The following IQSEC1 variants were observed in gnomAD, a reference collection of about 807,000 sequenced individuals.
IQSEC1 encodes IQ motif and Sec7 domain ArfGEF 1, also known as IQ motif and SEC7 domain-containing protein 1.
IQSEC1 carries 31 observed loss-of-function variants against 91.0 expected under a neutral mutation model. The ratio of observed to expected loss-of-function variants is 0.34; its 90% CI spans 0.26 to 0.46. IQSEC1 has a LOEUF of 0.46. Ranked by LOEUF, IQSEC1 falls within the 20% of genes least tolerant of loss-of-function variation. IQSEC1 has a pLI of 1.00. For synonymous variants in IQSEC1, 699 were observed against 662.6 expected, an observed-to-expected ratio of 1.05 and a Z score of -0.84; for missense variants, 1,388 against 1,575.6, an observed-to-expected ratio of 0.88 and a Z score of 2.02.
intron 2 of IQSEC1, among the ~76,000 whole-genome samples, chr3:13,134,843 G>T (rs1191182164): frequency 1.3e-5 from 2 of 152,170 alleles, no homozygotes; most frequent in African/African-American, 4.8e-5. Flanking sequence ...AGCTGGCCCA[G>T]TCCAGCCTCA....
At chr3:13,216,230 C>CA (rs1279494853) in intron 1 of IQSEC1, among the ~76,000 whole-genome samples, 1 of 152,274 alleles carries the variant, frequency 6.6e-6, no homozygotes, top group African/African-American at 2.4e-5. Context: ...GTAATAACAG[C>CA]ACCCATGCAG....
chr3:13,209,854 C>T (rs1267118210), intron 1 of IQSEC1, among the ~76,000 whole-genome samples: 1 of 152,180 alleles, frequency 6.6e-6, no homozygotes, highest in Non-Finnish European at 1.5e-5. Context: ...CCGCAGCAGC[C>T]CAACACCCAG....
chr3:13,181,355 G>A (rs1029504932), intron 1 of IQSEC1, among the ~76,000 whole-genome samples: 5 of 152,186 alleles, frequency 3.3e-5, no homozygotes, highest in Non-Finnish European at 5.9e-5. Flanking sequence ...CAAGTATGGC[G>A]ACTTCAATAA....
At position 12,899,099 on chromosome 3, in the gene IQSEC1, G is replaced by A. The variant is rs1250558236; in HGVS notation, c.*1884C>T. On this transcript the variant is annotated 3_prime_UTR_variant, in exon 14 of 14. Coordinates refer to ENST00000613206, the MANE Select transcript of IQSEC1 (RefSeq NM_001134382.3). ...GATTGCTGTATTTGCTCTCTCTGGAGATTAACAAAGTGCTTGGTTTGCAGA... is the reference window on the plus strand; with the variant it reads ...GATTGCTGTATTTGCTCTCTCTGGAAATTAACAAAGTGCTTGGTTTGCAGA... The A allele has an allele frequency of 2.0e-6, 1 of 504,804 alleles. No individual in the cohort carries two copies. The highest frequency in any genetic ancestry group is 3.6e-6 in the Non-Finnish European group (1 of 279,190). The allele number at this position is 504,804 out of a possible 1,614,324, so 31.3% of individuals were successfully genotyped here. A position where few individuals can be genotyped will look rare whatever the true frequency, so the allele number is the denominator to read the frequency against.
intron 6 of IQSEC1, among the ~76,000 whole-genome samples, chr3:12,919,595 C>T (rs1040524577): frequency 2.6e-5 from 4 of 152,242 alleles, no homozygotes. Flanking sequence ...TTGTCAGCTC[C>T]ACACGCTCTT....
At position 12,935,767 on chromosome 3, in the gene IQSEC1, G is replaced by A. The variant is rs753189267; in HGVS notation, c.1249C>T (p.Pro417Ser). ...GPHSGAPKSL[P>S]REEPELRPRP... ...GGCCGCAACTCAGGCTCCTCCCGGG[G>A]GAGGCTCTTGGGGGCGCCGCTGTGG... Residue 417 changes from proline to serine, a missense_variant, in exon 3 of 14, where the codon CCC becomes TCC. Coordinates refer to ENST00000613206, the MANE Select transcript of IQSEC1 (RefSeq NM_001134382.3). This position sits in a 1 kb window ranked among gnomAD's most constrained non-coding sequence, Gnocchi z 8.0. 3.7e-6 allele frequency: 6 copies of A among 1,608,218 alleles called. No individual in the cohort carries two copies. The South Asian group carries it at 4.4e-5, about 12-fold the overall frequency.
At chr3:13,133,768 C>T (rs1706662733) in intron 2 of IQSEC1, among the ~76,000 whole-genome samples, 1 of 152,242 alleles carries the variant, frequency 6.6e-6, no homozygotes, top group Non-Finnish European at 1.5e-5. Flanking sequence ...TGCTGCTTGG[C>T]CCAGCCCAAC....
intron 2 of IQSEC1, among the ~76,000 whole-genome samples, chr3:13,120,781 C>T (rs1706411111): frequency 6.6e-6 from 1 of 152,190 alleles, no homozygotes; most frequent in Admixed American, 6.5e-5. Flanking sequence ...GCCTAGGCAT[C>T]CTTCACCATG....
chr3:13,109,056 C>T (rs1009017902), intron 2 of IQSEC1, among the ~76,000 whole-genome samples: 3 of 152,212 alleles, frequency 2.0e-5, no homozygotes, highest in African/African-American at 7.2e-5. Flanking sequence ...GAGGCAGCTC[C>T]AGTGGCCTCC....
intron 1 of IQSEC1, among the ~76,000 whole-genome samples, chr3:12,966,502 T>C (rs1700577917): frequency 6.6e-6 from 1 of 152,116 alleles, no homozygotes; most frequent in South Asian, 2.1e-4. Context: ...GTGCTGGCCA[T>C]CGCAGAGAGG....
rs1036527366 is a variant in IQSEC1 at position 13,103,047 on chromosome 3, G to A, written c.303-55525C>T. On this transcript the variant is annotated intron_variant, in intron 2 of 15. Coordinates refer to the IQSEC1 transcript ENST00000648114. The surrounding 1 kb of genome is among the most constrained non-coding windows in gnomAD (Gnocchi z 4.1). ...TACCTCAACCTGTGGGCTGGATGTCGGAAGGGACTCTGACTTCTGCGCAGG... is the reference window on the plus strand; with the variant it reads ...TACCTCAACCTGTGGGCTGGATGTCAGAAGGGACTCTGACTTCTGCGCAGG... Among the ~76,000 whole-genome samples, 14 of 152,058 alleles carry A rather than the reference G, an allele frequency of 9.2e-5. No homozygotes were observed. Among genetic ancestry groups the A allele is most frequent in the East Asian group, 3.9e-4 (2 of 5,156 alleles).
chr3:13,236,702 C>G (rs998191628), intron 1 of IQSEC1, among the ~76,000 whole-genome samples: 2 of 152,218 alleles, frequency 1.3e-5, no homozygotes, highest in Non-Finnish European at 2.9e-5. Context: ...GCCAGCTCCA[C>G]CCGGGCCCCT....
chr3:13,058,981 TG>T (rs960387541), intron 1 of IQSEC1, among the ~76,000 whole-genome samples: 1 of 151,800 alleles, frequency 6.6e-6, no homozygotes, highest in Non-Finnish European at 1.5e-5. Context: ...AGGAGGTGGA[TG>T]GGGGGGTAGT....
Position 12,935,771 on chromosome 3 carries a change from G to A in IQSEC1, c.1245C>T (p.Ser415=), listed in dbSNP as rs1698119141. 6 of 1,607,684 alleles carry A rather than the reference G, an allele frequency of 3.7e-6. No homozygotes were observed. The Admixed American group carries it at 8.3e-5, about 22-fold the overall frequency. ...KHGPHSGAPK[S]LPREEPELRP... is the part of the protein sequence containing the mutation. ...GCAACTCAGGCTCCTCCCGGGGGAG[G>A]CTCTTGGGGGCGCCGCTGTGGGGAC... The change falls in exon 3 of 14, where the codon AGC becomes AGT. Residue 415 remains serine (S), a synonymous_variant. Coordinates refer to ENST00000613206, the MANE Select transcript of IQSEC1 (RefSeq NM_001134382.3). This position sits in a 1 kb window ranked among gnomAD's most constrained non-coding sequence, Gnocchi z 8.0.
At chr3:13,002,551 A>T (rs1317011826) in intron 1 of IQSEC1, among the ~76,000 whole-genome samples, 14 of 151,086 alleles carry the variant, frequency 9.3e-5, no homozygotes, top group African/African-American at 3.4e-4. Flanking sequence ...GATCTCCAAA[A>T]AAAAAAAAAA....
At chr3:13,146,669 G>A (rs949944060) in intron 2 of IQSEC1, among the ~76,000 whole-genome samples, 8 of 152,304 alleles carry the variant, frequency 5.3e-5, no homozygotes, top group East Asian at 1.9e-4. Context: ...GCGAAGCTCC[G>A]TGTCTACTAA....
chr3:13,130,356 AAAAAAAG>A (rs1391698159), intron 2 of IQSEC1, among the ~76,000 whole-genome samples: 12 of 151,698 alleles, frequency 7.9e-5, no homozygotes, highest in African/African-American at 2.9e-4. Context: ...AAAAAAAAAA[AAAAAAAG>A]AAAGAAAGAA....
At chr3:13,263,275 AAAAC>A (rs1364925557) in intron 1 of IQSEC1, among the ~76,000 whole-genome samples, 1 of 147,186 alleles carries the variant, frequency 6.8e-6, no homozygotes, top group Non-Finnish European at 1.5e-5. Flanking sequence ...AACAAAACAA[AAAAC>A]CAATGTGAAT....
intron 3 of IQSEC1, among the ~76,000 whole-genome samples, chr3:12,928,327 T>C (rs753187690): frequency 1.3e-5 from 2 of 152,150 alleles, no homozygotes; most frequent in South Asian, 2.1e-4. Flanking sequence ...GTGCGGGCGA[T>C]GGATTCCACC....
Sources: allele counts gnomAD v4.1 joint callset (sites outside exome capture counted in the v4.1 genomes callset), GRCh38; gene constraint gnomAD v4.1.1; non-coding constraint Gnocchi (gnomAD v3.1); transcripts MANE v1.5; gene names NCBI Gene and HGNC (gene_info 2026-07-23, HGNC 2026-07-21).